The following SRBD1 variants were observed in gnomAD, a reference collection of about 807,000 sequenced individuals.
SRBD1 encodes the protein S1 RNA binding domain 1, also known as S1 RNA-binding domain-containing protein 1.
A neutral mutation model predicts 115.3 loss-of-function variants in SRBD1; 88 were observed. The observed-to-expected ratio is 0.76, with a 90% CI of 0.64 to 0.91. SRBD1 has a LOEUF of 0.91. SRBD1 is among the 40% of genes least tolerant of loss of function. The pLI is 0.00. For missense variants in SRBD1, 1,385 were observed against 1,177.4 expected (o/e 1.18, Z -2.58); for synonymous variants, 509 against 407.7 (o/e 1.25, Z -2.99).
At chr2:45,537,980 A>T (rs1228531617) in intron 14 of SRBD1, among the ~76,000 whole-genome samples, 1 of 152,220 alleles carries the variant, frequency 6.6e-6, no homozygotes, top group Non-Finnish European at 1.5e-5. Context: ...GTTGATACCC[A>T]TTGGAGAGCA....
intron 16 of SRBD1, among the ~76,000 whole-genome samples, chr2:45,445,989 T>C (rs1668812195): frequency 6.6e-6 from 1 of 152,100 alleles, no homozygotes; most frequent in African/African-American, 2.4e-5. Flanking sequence ...GTAAGAAAAG[T>C]CAGAAGGAAG....
At chr2:45,572,055 T>G (rs1673035356) in intron 9 of SRBD1, among the ~76,000 whole-genome samples, 1 of 151,932 alleles carries the variant, frequency 6.6e-6, no homozygotes, top group Admixed American at 6.6e-5. Context: ...TAGGATAAAC[T>G]CAGAAAGACC....
intron 16 of SRBD1, among the ~76,000 whole-genome samples, chr2:45,462,549 C>T (rs1323251845): frequency 1.3e-5 from 2 of 151,612 alleles, no homozygotes; most frequent in African/African-American, 2.4e-5. Context: ...GATTGGGTGC[C>T]CTGCTCTAGA....
chr2:45,596,945 CACACACCCACAACCCTA>C (rs1439200735), intron 4 of SRBD1, among the ~76,000 whole-genome samples: 1 of 148,490 alleles, frequency 6.7e-6, no homozygotes, highest in South Asian at 2.1e-4. Context: ...CACACACACA[CACACACCCACAACCCTA>C]ACACACACAC....
chr2:45,402,766 C>T (rs570135328), intron 19 of SRBD1, among the ~76,000 whole-genome samples: 1 of 152,242 alleles, frequency 6.6e-6, no homozygotes, highest in South Asian at 2.1e-4. Flanking sequence ...ACAGCAGATT[C>T]TCTGGGAGAG....
At chr2:45,390,052 AC>A (rs1185027568) in intron 20 of SRBD1, among the ~76,000 whole-genome samples, 1 of 152,198 alleles carries the variant, frequency 6.6e-6, no homozygotes, top group Admixed American at 6.5e-5. Flanking sequence ...AAGTACATCA[AC>A]TTTTGGCCAA....
intron 14 of SRBD1, among the ~76,000 whole-genome samples, chr2:45,510,930 C>T (rs1366197454): frequency 6.6e-6 from 1 of 151,858 alleles, no homozygotes; most frequent in African/African-American, 2.4e-5. Context: ...TGAACAAATA[C>T]AAAGAAAAAA....
intron 19 of SRBD1, among the ~76,000 whole-genome samples, chr2:45,401,104 A>G (rs1667280859): frequency 6.6e-6 from 1 of 152,144 alleles, no homozygotes; most frequent in Admixed American, 6.6e-5. Context: ...GAAAATATGA[A>G]TGTTACTTCT....
chr2:45,573,342 C>T lies in SRBD1; in HGVS notation c.1170G>A (p.Leu390=). 3 of 1,606,380 alleles carry T rather than the reference C, an allele frequency of 1.9e-6. No homozygotes were observed. Among genetic ancestry groups the T allele is most frequent in the Non-Finnish European group, 2.5e-6 (3 of 1,177,576 alleles). ...GGATACAAACATGTCTCTTCTGGCACCTGTTCAGATACACAAGTGTTCAAA... is the reference window on the plus strand; with the variant it reads ...GGATACAAACATGTCTCTTCTGGCATCTGTTCAGATACACAAGTGTTCAAA... ...DKDTLDFIRN[L]CQKRHVCIQS... The change falls in exon 9 of 21, where the codon TTG becomes TTA. Residue 390 remains leucine, a splice_region_variant and synonymous_variant. Coordinates refer to ENST00000263736, the MANE Select transcript of SRBD1 (RefSeq NM_018079.5).
At position 45,562,773 on chromosome 2, in the gene SRBD1, G is replaced by C. The variant is rs1285601444; in HGVS notation, c.1306-17C>G. On this transcript the variant is annotated splice_polypyrimidine_tract_variant and intron_variant, in intron 9 of 20. Transcript: ENST00000263736. ...TGCCAGAATCTGAGTGCAAACATAA[G>C]GCAAAGACTAATAATCCACAAAATA... is the stretch of plus-strand genomic sequence containing the variant. The C allele has an allele frequency of 6.4e-7, 1 of 1,556,142 alleles. No individual in the cohort carries two copies. Among genetic ancestry groups the C allele is most frequent in the Non-Finnish European group, 8.8e-7 (1 of 1,140,812 alleles).
intron 14 of SRBD1, among the ~76,000 whole-genome samples, chr2:45,527,350 G>T (rs1671477516): frequency 6.6e-6 from 1 of 151,816 alleles, no homozygotes. Flanking sequence ...TACAAAGGCG[G>T]CTATATATTA....
At chr2:45,411,124 A>G (rs1667589614) in intron 19 of SRBD1, among the ~76,000 whole-genome samples, 2 of 152,266 alleles carry the variant, frequency 1.3e-5, no homozygotes, top group South Asian at 4.2e-4. Context: ...AACCTGTGGG[A>G]TCTGACACTA....
At chr2:45,587,233 T>C (rs925121961) in intron 4 of SRBD1, among the ~76,000 whole-genome samples, 3 of 146,270 alleles carry the variant, frequency 2.1e-5, no homozygotes, top group African/African-American at 7.4e-5. Context: ...TATTAAGATA[T>C]TTGAAATTAT....
At chr2:45,562,332 A>G (rs1047591706) in intron 10 of SRBD1, among the ~76,000 whole-genome samples, 3 of 152,190 alleles carry the variant, frequency 2.0e-5, no homozygotes, top group East Asian at 3.9e-4. Flanking sequence ...GGTTCAAGCA[A>G]TTCTCTGCCT....
At chr2:45,455,336 T>C (rs984876535) in intron 16 of SRBD1, among the ~76,000 whole-genome samples, 1 of 151,938 alleles carries the variant, frequency 6.6e-6, no homozygotes, top group African/African-American at 2.4e-5. Flanking sequence ...AGCATTATCA[T>C]ACGTATTTAT....
At chr2:45,589,867 G>C (rs1441523129) in intron 4 of SRBD1, among the ~76,000 whole-genome samples, 1 of 152,128 alleles carries the variant, frequency 6.6e-6, no homozygotes, top group Non-Finnish European at 1.5e-5. Flanking sequence ...TCTTCTCAAG[G>C]AGCTAACAAG....
At chr2:45,543,321 A>G (rs973190438) in intron 14 of SRBD1, among the ~76,000 whole-genome samples, 1 of 152,228 alleles carries the variant, frequency 6.6e-6, no homozygotes, top group Non-Finnish European at 1.5e-5. Context: ...AAGGGTAGGG[A>G]GAGAAATGAA....
intron 15 of SRBD1, 61 bp downstream of exon 15, chr2:45,488,179 C>T: frequency 7.2e-7 from 1 of 1,383,402 alleles, no homozygotes; most frequent in Non-Finnish European, 1.0e-6. Flanking sequence ...ATTTAGCATG[C>T]CACACATGCT....
At chr2:45,451,598 C>T (rs1266395097) in intron 16 of SRBD1, among the ~76,000 whole-genome samples, 1 of 151,594 alleles carries the variant, frequency 6.6e-6, no homozygotes, top group Non-Finnish European at 1.5e-5. Context: ...CAGAGACACA[C>T]AACAGCAAAA....
Sources: allele counts gnomAD v4.1 joint callset (sites outside exome capture counted in the v4.1 genomes callset), GRCh38; gene constraint gnomAD v4.1.1; transcripts MANE v1.5; gene names NCBI Gene and HGNC (gene_info 2026-07-23, HGNC 2026-07-21).